MAMDC2: variants seen among roughly 807,000 people sequenced by gnomAD.
MAMDC2 encodes the protein MAM domain-containing protein 2.
MAMDC2 carries 57 observed loss-of-function variants against 89.8 expected under a neutral mutation model. That is an observed-to-expected ratio of 0.63 (90% confidence interval 0.51 to 0.79). MAMDC2 has a LOEUF of 0.79. Ranked by LOEUF, MAMDC2 falls within the 30% of genes least tolerant of loss-of-function variation. The pLI is 0.00. For missense variants in MAMDC2, 800 were observed against 820.6 expected (o/e 0.97, Z 0.31); for synonymous variants, 313 against 293.4 (o/e 1.07, Z -0.68).
chr9:70,190,746 A>G (rs1363189924), intron 11 of MAMDC2, among the ~76,000 whole-genome samples: 1 of 152,114 alleles, frequency 6.6e-6, no homozygotes, highest in East Asian at 1.9e-4. Context: ...CTGCAATGTT[A>G]AACAATTAAA....
At chr9:70,056,808 C>T (rs1370490999) in intron 2 of MAMDC2, among the ~76,000 whole-genome samples, 1 of 152,162 alleles carries the variant, frequency 6.6e-6, no homozygotes. Flanking sequence ...ACCTCCTGAG[C>T]TCCACCTCCT....
chr9:70,214,715 T>A (rs2033413972), intron 11 of MAMDC2, among the ~76,000 whole-genome samples: 1 of 152,154 alleles, frequency 6.6e-6, no homozygotes, highest in Non-Finnish European at 1.5e-5. Context: ...ACCAGGGTGA[T>A]AGCAGTGGAG....
chr9:70,080,475 C>T (rs372085664), intron 2 of MAMDC2, among the ~76,000 whole-genome samples: 33 of 152,280 alleles, frequency 2.2e-4, no homozygotes, highest in Middle Eastern at 3.4e-3. Flanking sequence ...TAATATGGAT[C>T]ATAATCTATT....
At chr9:70,198,625 C>T (rs2033027032) in intron 11 of MAMDC2, among the ~76,000 whole-genome samples, 1 of 152,080 alleles carries the variant, frequency 6.6e-6, no homozygotes, top group Admixed American at 6.6e-5. Flanking sequence ...TCCAGAAAAG[C>T]AACCCTGCAA....
chr9:70,176,502 T>C (rs1281458062), intron 11 of MAMDC2, among the ~76,000 whole-genome samples: 6 of 152,198 alleles, frequency 3.9e-5, no homozygotes, highest in African/African-American at 1.2e-4. Flanking sequence ...CTTAGTGTGT[T>C]CAACATTTAT....
chr9:70,179,640 A>C (rs1207470615), intron 11 of MAMDC2, among the ~76,000 whole-genome samples: 1 of 151,232 alleles, frequency 6.6e-6, no homozygotes, highest in South Asian at 2.1e-4. Flanking sequence ...AAAAAACAAA[A>C]GCTTTAAAAT....
At chr9:70,184,384 T>G (rs1389680402) in intron 11 of MAMDC2, among the ~76,000 whole-genome samples, 1 of 152,158 alleles carries the variant, frequency 6.6e-6, no homozygotes, top group Admixed American at 6.5e-5. Context: ...TCATGGAGTA[T>G]CTTAGTGGTG....
At chr9:70,130,705 T>C (rs1381851063) in intron 6 of MAMDC2, among the ~76,000 whole-genome samples, 1 of 152,098 alleles carries the variant, frequency 6.6e-6, no homozygotes, top group Non-Finnish European at 1.5e-5. Flanking sequence ...GGCCTTGATG[T>C]AGAGTTCATA....
intron 11 of MAMDC2, among the ~76,000 whole-genome samples, chr9:70,183,295 G>A (rs1362181543): frequency 6.6e-6 from 1 of 152,140 alleles, no homozygotes; most frequent in African/African-American, 2.4e-5. Flanking sequence ...GAATAAGTGC[G>A]ATGTGTTGCT....
At chr9:70,198,057 T>C (rs2118619850) in intron 11 of MAMDC2, among the ~76,000 whole-genome samples, 1 of 149,088 alleles carries the variant, frequency 6.7e-6, no homozygotes, top group South Asian at 2.1e-4. Flanking sequence ...TTTATAATTG[T>C]TCTATTTTTT....
intron 9 of MAMDC2, among the ~76,000 whole-genome samples, chr9:70,147,770 A>AG (rs772220563): frequency 2.0e-5 from 3 of 150,358 alleles, no homozygotes; most frequent in Admixed American, 6.6e-5. Flanking sequence ...TTTCCCTATG[A>AG]GGGCGCCCTT....
chr9:70,102,733 T>G (rs1828228870), intron 2 of MAMDC2, among the ~76,000 whole-genome samples: 1 of 152,226 alleles, frequency 6.6e-6, no homozygotes, highest in Non-Finnish European at 1.5e-5. Context: ...TTTATGGCCC[T>G]TTTCTGACCC....
chr9:70,078,168 T>C (rs140074618), intron 2 of MAMDC2, among the ~76,000 whole-genome samples: 1 of 152,332 alleles, frequency 6.6e-6, no homozygotes, highest in African/African-American at 2.4e-5. Flanking sequence ...TCATCTTGAA[T>C]GCAGGATGGA....
rs1474183417 is a variant in MAMDC2, at chr9:70,143,689, G to C, written c.1274G>C (p.Ser425Thr). ...GCCATCTATGGATTTTTAAAAATGA[G>C]TGACACCCTAGCAGTTTACATCTTT... ...HYAIYGFLKMSDTLAVYIFEE... is the reference protein window; with the variant it reads ...HYAIYGFLKMTDTLAVYIFEE... The change falls in exon 9 of 14, where the codon AGT (serine) becomes ACT (threonine). Residue 425 changes from serine to threonine, a missense_variant. By Grantham distance (58) the Ser-to-Thr change is moderately conservative. Coordinates refer to ENST00000377182, the MANE Select transcript of MAMDC2 (RefSeq NM_153267.5). The C allele has an allele frequency of 1.9e-6, 3 of 1,614,070 alleles. No individual in the cohort carries two copies. In the African/African-American group the frequency reaches 4.0e-5, roughly 22 times the overall value.
At chr9:70,214,549 G>A (rs1457009036) in intron 11 of MAMDC2, among the ~76,000 whole-genome samples, 1 of 152,194 alleles carries the variant, frequency 6.6e-6, no homozygotes, top group East Asian at 1.9e-4. Context: ...CTAACCCAGT[G>A]GAAGGTTTTA....
chr9:70,163,132 C>G (rs561957614), intron 9 of MAMDC2, among the ~76,000 whole-genome samples: 2 of 151,862 alleles, frequency 1.3e-5, no homozygotes, highest in East Asian at 3.9e-4. Context: ...CCTTGATAAT[C>G]CAGGGGATGA....
At chr9:70,102,839 G>A (rs767434150) in intron 2 of MAMDC2, among the ~76,000 whole-genome samples, 7 of 152,116 alleles carry the variant, frequency 4.6e-5, no homozygotes, top group African/African-American at 1.7e-4. Flanking sequence ...CTCTCCTCCT[G>A]ATGCCATTTC....
At chr9:70,218,056 T>A (rs2033482357) in intron 11 of MAMDC2, among the ~76,000 whole-genome samples, 1 of 152,266 alleles carries the variant, frequency 6.6e-6, no homozygotes, top group African/African-American at 2.4e-5. Flanking sequence ...TAAATTCTGA[T>A]GTGTTAATCA....
intron 11 of MAMDC2, among the ~76,000 whole-genome samples, chr9:70,192,143 C>T (rs1228261357): frequency 6.6e-6 from 1 of 152,058 alleles, no homozygotes; most frequent in Non-Finnish European, 1.5e-5. Flanking sequence ...CACTGACCTT[C>T]CATTTTTTCT....
Sources: gnomAD v4.1 joint callset for allele counts (sites outside exome capture counted in the v4.1 genomes callset) on GRCh38, gnomAD v4.1.1 for gene constraint, MANE v1.5 for transcripts, NCBI Gene and HGNC (gene_info 2026-07-23, HGNC 2026-07-21) for gene names.